Variants in COG5 observed in about 807,000 individuals in gnomAD.
COG5 encodes the protein conserved oligomeric Golgi complex subunit 5.
In COG5, 86 loss-of-function variants were observed where a neutral mutation model predicts 110.4. The ratio of observed to expected loss-of-function variants is 0.78; its 90% CI spans 0.65 to 0.93. The LOEUF (loss-of-function observed/expected upper bound fraction) is 0.93, where lower values mean the gene tolerates loss of function less well. Among genes scored for constraint, COG5 ranks in the 40% least tolerant of loss-of-function variants. COG5 has a pLI of 0.00. For synonymous variants in COG5, 360 were observed against 334.6 expected (o/e 1.08, Z -0.83); for missense variants, 1,077 against 987.0 (o/e 1.09, Z -1.22).
chr7:107,321,824 C>CA (rs952353352), intron 11 of COG5, among the ~76,000 whole-genome samples: 5 of 151,160 alleles, frequency 3.3e-5, no homozygotes, highest in Admixed American at 6.6e-5. Flanking sequence ...ATTTTTAGGT[C>CA]AAAAAAAAGT....
chr7:107,372,858 A>G, intron 7 of COG5, 98 bp from the exon 8 acceptor site: 1 of 1,122,410 alleles, frequency 8.9e-7, no homozygotes, highest in Non-Finnish European at 1.3e-6. Context: ...CAGCAGTCCT[A>G]TCATATTTAA....
chr7:107,371,339 C>T (rs1193804206), intron 8 of COG5, among the ~76,000 whole-genome samples: 1 of 152,010 alleles, frequency 6.6e-6, no homozygotes, highest in Non-Finnish European at 1.5e-5. Context: ...CCTGCAATCC[C>T]AACACTTTGG....
Position 107,241,653 on chromosome 7 carries a change from C to T in COG5, c.1854-4966G>A, listed in dbSNP as rs1229950814. On this transcript the variant is annotated intron_variant, in intron 17 of 21. Coordinates refer to ENST00000297135, the MANE Select transcript of COG5 (RefSeq NM_006348.5). ...ATTTTTAGTAGAGACGGGGTTTCAC[C>T]GTGTTAGCCAGGATGGTCTCGATCT... is the stretch of plus-strand genomic sequence containing the variant. Among the ~76,000 whole-genome samples, 7 of 151,894 alleles carry T rather than the reference C, an allele frequency of 4.6e-5. No homozygotes were observed. In the East Asian group the frequency reaches 5.8e-4, roughly 13 times the overall value.
chr7:107,418,107 T>C (rs10279755), intron 6 of COG5, among the ~76,000 whole-genome samples: 2 of 149,726 alleles, frequency 1.3e-5, no homozygotes, highest in African/African-American at 4.9e-5. Context: ...AAATATAAAA[T>C]TGTGGTTTAT....
intron 6 of COG5, among the ~76,000 whole-genome samples, chr7:107,448,971 T>C (rs1795170350): frequency 1.3e-5 from 2 of 152,130 alleles, no homozygotes; most frequent in Non-Finnish European, 2.9e-5. Flanking sequence ...TCAAAACTTA[T>C]GAAAACACCT....
chr7:107,391,596 A>G (rs1790630182), intron 7 of COG5, among the ~76,000 whole-genome samples: 1 of 152,160 alleles, frequency 6.6e-6, no homozygotes. Flanking sequence ...GTTTTCTTCT[A>G]AAAGTTGTAT....
chr7:107,239,333 C>A (rs1801441670), intron 17 of COG5, among the ~76,000 whole-genome samples: 1 of 152,124 alleles, frequency 6.6e-6, no homozygotes, highest in Non-Finnish European at 1.5e-5. Flanking sequence ...TGCCAGCGCA[C>A]CATGCCATTT....
chr7:107,246,913 T>G (rs1039817807), intron 17 of COG5, among the ~76,000 whole-genome samples: 2 of 152,170 alleles, frequency 1.3e-5, no homozygotes, highest in Non-Finnish European at 2.9e-5. Flanking sequence ...TAAAAACATA[T>G]GCATGTGCAT....
In COG5 at chr7:107,475,418, TA is replaced by T. The variant is rs1796914055; in HGVS notation, c.538+51818del. On this transcript the variant is annotated intron_variant, in intron 6 of 21. Coordinates refer to ENST00000297135, the MANE Select transcript of COG5 (RefSeq NM_006348.5). ...TCAAATGAGTTTTAAATTTAAATTG[TA>T]AAAACTGATATTACTGCCAAATATA... 5.1e-6 allele frequency: 4 copies of T among 788,632 alleles called. No homozygotes were observed. In the African/African-American group the frequency reaches 7.0e-5, roughly 14 times the overall value. The allele number at this position is 788,632 out of a possible 1,614,324, so 48.9% of individuals were successfully genotyped here. A position where few individuals can be genotyped will look rare whatever the true frequency, so the allele number is the denominator to read the frequency against.
chr7:107,294,621 T>C (rs1806441952), intron 12 of COG5, among the ~76,000 whole-genome samples: 1 of 151,870 alleles, frequency 6.6e-6, no homozygotes. Context: ...TCCTCTCTGA[T>C]CCAATCTTAA....
intron 14 of COG5, among the ~76,000 whole-genome samples, chr7:107,274,564 A>G (rs1804547543): frequency 6.6e-6 from 1 of 152,160 alleles, no homozygotes. Context: ...TACGTATAAT[A>G]GAGCAGAAGT....
rs114023726 is a variant in COG5, at chr7:107,211,173, C to G, written c.2221G>C (p.Asp741His). 5.2e-5 allele frequency: 84 copies of G among 1,613,864 alleles called. No individual in the cohort carries two copies. The African/African-American group carries it at 1.1e-3, about 20-fold the overall frequency. The change falls in exon 20 of 22, where the codon GAT becomes CAT. Residue 741 changes from aspartate to histidine, a missense_variant. Transcript: ENST00000297135. ...EHVASSPALG[D>H]VIPFSIIIQF... The stretch of plus-strand genomic sequence containing the variant: ...ATAATGATGCTGAACGGAATCACAT[C>G]CCCCAATGCAGGACTACTGGCTACA...
At chr7:107,407,918 T>C (rs1791980063) in intron 7 of COG5, among the ~76,000 whole-genome samples, 1 of 152,102 alleles carries the variant, frequency 6.6e-6, no homozygotes, top group East Asian at 1.9e-4. Flanking sequence ...AGTTTGAGAT[T>C]TATAAAGAGC....
chr7:107,366,192 T>C (rs1813596635), intron 8 of COG5, among the ~76,000 whole-genome samples: 1 of 151,964 alleles, frequency 6.6e-6, no homozygotes, highest in Non-Finnish European at 1.5e-5. Context: ...ACACAAGTTA[T>C]AATAAACGAG....
intron 6 of COG5, among the ~76,000 whole-genome samples, chr7:107,457,338 CCAAA>C (rs1314453391): frequency 6.7e-6 from 1 of 149,394 alleles, no homozygotes; most frequent in South Asian, 2.1e-4. Context: ...CCAAAACTAC[CCAAA>C]CAAATTAAAG....
At chr7:107,514,811 A>G (rs536433051) in intron 6 of COG5, among the ~76,000 whole-genome samples, 1 of 152,336 alleles carries the variant, frequency 6.6e-6, no homozygotes, top group South Asian at 2.1e-4. Flanking sequence ...TCCAAGTTTT[A>G]TGATAAAAGA....
At position 107,541,523 on chromosome 7, in the gene COG5, A is replaced by AATATATATATATATATATAT. The variant is rs1554460370; in HGVS notation, c.417+6568_417+6587dup. Reference sequence around the variant, plus strand: ...AAAAAAAAAAAAAAAAAAAAAAAAAAATATATATATATATATATATGTATT... The same window carrying AATATATATATATATATATAT: ...AAAAAAAAAAAAAAAAAAAAAAAAAAATATATATATATATATATATATATATATATATATATATATGTATT... On this transcript the variant is annotated intron_variant, in intron 5 of 21. Coordinates refer to ENST00000297135, the MANE Select transcript of COG5 (RefSeq NM_006348.5). Among the ~76,000 whole-genome samples, 218 of 56,862 alleles carry AATATATATATATATATATAT rather than the reference A, an allele frequency of 3.8e-3. 1 individual carries two copies. The highest frequency in any genetic ancestry group is 9.4e-3 in the East Asian group (18 of 1,912). The allele number at this position is 56,862 out of a possible 152,430, so 37.3% of individuals were successfully genotyped here.
chr7:107,360,934 C>T (rs1813059149), intron 10 of COG5, among the ~76,000 whole-genome samples: 2 of 152,226 alleles, frequency 1.3e-5, no homozygotes, highest in Admixed American at 1.3e-4. Context: ...CACCACTGGT[C>T]ACAGGAGTTT....
intron 6 of COG5, among the ~76,000 whole-genome samples, chr7:107,483,659 G>A (rs537617561): frequency 3.2e-4 from 48 of 150,782 alleles, no homozygotes; most frequent in African/African-American, 1.1e-3. Context: ...AGCCAAGATC[G>A]CACCATTGCA....
Sources: gnomAD v4.1 joint callset for allele counts (sites outside exome capture counted in the v4.1 genomes callset) on GRCh38, gnomAD v4.1.1 for gene constraint, MANE v1.5 for transcripts, NCBI Gene and HGNC (gene_info 2026-07-23, HGNC 2026-07-21) for gene names.